The following ANKS1B variants were observed in gnomAD, a reference collection of about 807,000 sequenced individuals.
ANKS1B encodes ankyrin repeat and sterile alpha motif domain containing 1B.
In ANKS1B, 36 loss-of-function variants were observed where a neutral mutation model predicts 148.3. That is an observed-to-expected ratio of 0.24 (90% CI 0.19 to 0.32). The LOEUF is 0.32. Among genes scored for constraint, ANKS1B ranks in the 10% least tolerant of loss-of-function variants. The pLI, the probability that ANKS1B is intolerant of heterozygous loss-of-function variation, is 1.00. For missense variants in ANKS1B, 1,157 were observed against 1,542.6 expected (o/e 0.75, Z 4.19); for synonymous variants, 542 against 560.8 (o/e 0.97, Z 0.47).
intron 1 of ANKS1B, among the ~76,000 whole-genome samples, chr12:99,927,859 T>TAATTAATTTTA (rs1450121120): frequency 3.3e-5 from 5 of 152,192 alleles, no homozygotes; most frequent in Non-Finnish European, 7.3e-5. Flanking sequence ...AATTTTAATT[T>TAATTAATTTTA]TAAAAAACAC....
At chr12:99,000,934 T>C (rs1370157933) in intron 17 of ANKS1B, among the ~76,000 whole-genome samples, 1 of 152,146 alleles carries the variant, frequency 6.6e-6, no homozygotes, top group Non-Finnish European at 1.5e-5. Context: ...AACATTTTCT[T>C]CTTTTTAAAG....
chr12:98,958,080 C>A (rs953057494), intron 17 of ANKS1B, among the ~76,000 whole-genome samples: 1 of 152,196 alleles, frequency 6.6e-6, no homozygotes, highest in African/African-American at 2.4e-5. Context: ...AACCAGTGAG[C>A]TTTACGCTCA....
intron 14 of ANKS1B, among the ~76,000 whole-genome samples, chr12:99,202,184 C>T (rs958902616): frequency 6.6e-6 from 1 of 152,136 alleles, no homozygotes; most frequent in African/African-American, 2.4e-5. Context: ...TCCTCTTCTG[C>T]CTTTCTGCTG....
chr12:98,843,663 G>A lies in ANKS1B; in HGVS notation c.2779-11527C>T, dbSNP rs529217650. 5.3e-5 allele frequency among the ~76,000 whole-genome samples: 8 copies of A among 152,266 alleles called. No homozygotes were observed. In the South Asian group the frequency reaches 1.5e-3, roughly 28 times the overall value. ...CTGGCAGTGTGACTACAGTTTAATC[G>A]GTGATACTGAAACCCAGCTAAATAA... On this transcript the variant is annotated intron_variant, in intron 17 of 26. Coordinates refer to ENST00000683438, the MANE Select transcript of ANKS1B (RefSeq NM_001352186.2).
intron 9 of ANKS1B, among the ~76,000 whole-genome samples, chr12:99,580,783 G>T (rs1289047925): frequency 6.6e-6 from 1 of 152,074 alleles, no homozygotes; most frequent in Non-Finnish European, 1.5e-5. Flanking sequence ...AATATTTGAG[G>T]TAATGAATAT....
intron 1 of ANKS1B, among the ~76,000 whole-genome samples, chr12:99,940,956 T>C (rs2094904660): frequency 6.6e-6 from 1 of 152,180 alleles, no homozygotes; most frequent in Non-Finnish European, 1.5e-5. Flanking sequence ...GCATATGCCT[T>C]CATAACTGCA....
At chr12:99,112,879 A>G (rs974261673) in intron 15 of ANKS1B, among the ~76,000 whole-genome samples, 5 of 152,186 alleles carry the variant, frequency 3.3e-5, no homozygotes, top group Non-Finnish European at 7.3e-5. Context: ...TCAAACATTT[A>G]TTAGTTGCTC....
At chr12:99,483,138 G>A (rs1034256872) in intron 10 of ANKS1B, among the ~76,000 whole-genome samples, 2 of 151,382 alleles carry the variant, frequency 1.3e-5, no homozygotes, top group African/African-American at 4.9e-5. Context: ...CTGTGGGTAG[G>A]TCATATATAG....
At chr12:99,632,767 A>ATATATATATATAT (rs1441486862) in intron 9 of ANKS1B, among the ~76,000 whole-genome samples, 1 of 71,336 alleles carries the variant, frequency 1.4e-5, no homozygotes, top group Non-Finnish European at 2.9e-5. Flanking sequence ...ATATATATAT[A>ATATATATATATAT]TTTTAATTAT....
intron 14 of ANKS1B, among the ~76,000 whole-genome samples, chr12:99,241,183 C>G (rs532394091): frequency 2.2e-4 from 34 of 152,180 alleles, no homozygotes; most frequent in South Asian, 1.4e-3. Context: ...AGAGAAGAAT[C>G]AAACAGATGC....
At chr12:99,424,622 AAC>A (rs200308044) in intron 11 of ANKS1B, among the ~76,000 whole-genome samples, 27,959 of 146,956 alleles carry the variant, frequency 0.19, 3,795 homozygotes, top group East Asian at 0.34. Context: ...AGGTAGCAGA[AAC>A]ACACACACAC....
chr12:98,742,655 C>T (rs2097809449), downstream of ANKS1B, among the ~76,000 whole-genome samples: 1 of 152,250 alleles, frequency 6.6e-6, no homozygotes, highest in Admixed American at 6.5e-5. Flanking sequence ...GTTCCAGCTC[C>T]TAGCTACTAA....
intron 17 of ANKS1B, among the ~76,000 whole-genome samples, chr12:99,029,644 G>T (rs1309426831): frequency 3.9e-5 from 6 of 152,190 alleles, no homozygotes; most frequent in African/African-American, 1.4e-4. Flanking sequence ...CAATGCATAA[G>T]AAGCATATTC....
downstream of ANKS1B, among the ~76,000 whole-genome samples, chr12:98,743,807 CT>C (rs1363528585): frequency 7.9e-5 from 12 of 152,252 alleles, no homozygotes; most frequent in East Asian, 2.1e-3. Context: ...TTTCAGAGGC[CT>C]GTGTATCTTT....
At chr12:99,152,683 A>C (rs2075256942) in intron 15 of ANKS1B, among the ~76,000 whole-genome samples, 1 of 152,172 alleles carries the variant, frequency 6.6e-6, no homozygotes, top group South Asian at 2.1e-4. Flanking sequence ...GGAAATCCAA[A>C]GACCTAACTT....
intron 9 of ANKS1B, among the ~76,000 whole-genome samples, chr12:99,567,726 G>A (rs569914276): frequency 5.9e-5 from 9 of 152,246 alleles, no homozygotes; most frequent in East Asian, 1.9e-4. Context: ...GCTAAAGGGG[G>A]CAGATAATCA....
chr12:98,744,903 C>T lies in ANKS1B; in HGVS notation c.*836G>A, dbSNP rs2097848923. The T allele has an allele frequency of 1.0e-6, 1 of 985,640 alleles. No individual in the cohort carries two copies. Among genetic ancestry groups the T allele is most frequent in the Admixed American group, 6.1e-5 (1 of 16,272 alleles). 61.1% of individuals were successfully genotyped at this position (985,640 alleles called of 1,614,324 possible). On this transcript the variant is annotated 3_prime_UTR_variant, in exon 27 of 27. Coordinates refer to ENST00000683438, the MANE Select transcript of ANKS1B (RefSeq NM_001352186.2). ...CCGGGCCTCCTGCTCTAGGGAGCATCACCAGTATTTTGCCACCACTGAGCC... is the reference window on the plus strand; with the variant it reads ...CCGGGCCTCCTGCTCTAGGGAGCATTACCAGTATTTTGCCACCACTGAGCC...
intron 8 of ANKS1B, among the ~76,000 whole-genome samples, chr12:99,695,999 T>C (rs1261064073): frequency 6.6e-6 from 1 of 152,144 alleles, no homozygotes; most frequent in East Asian, 1.9e-4. Context: ...CTATGCTCAC[T>C]ACCTGGGTGG....
chr12:99,042,971 G>C (rs1181057823), intron 17 of ANKS1B, among the ~76,000 whole-genome samples: 1 of 152,164 alleles, frequency 6.6e-6, no homozygotes, highest in Non-Finnish European at 1.5e-5. Flanking sequence ...AGAAGACCTT[G>C]TGTTCCCATT....
Sources: gnomAD v4.1 joint callset for allele counts (sites outside exome capture counted in the v4.1 genomes callset) on GRCh38, gnomAD v4.1.1 for gene constraint, MANE v1.5 for transcripts, NCBI Gene and HGNC (gene_info 2026-07-23, HGNC 2026-07-21) for gene names.